The following EDIL3 variants were observed in gnomAD, a reference collection of about 807,000 sequenced individuals.
EDIL3 encodes EGF like and discoidin domains 3.
Under a neutral mutation model 67.4 loss-of-function variants are expected in EDIL3, and 37 were observed. That is an observed-to-expected ratio of 0.55 (90% CI 0.42 to 0.72). The LOEUF (loss-of-function observed/expected upper bound fraction) is 0.72. Among genes scored for constraint, EDIL3 ranks in the 30% least tolerant of loss-of-function variants. The probability of loss-of-function intolerance (pLI) is 0.00; values close to 1 mark genes in which losing one functional copy is unlikely to be tolerated. For synonymous variants in EDIL3, 195 were observed against 196.3 expected, an observed-to-expected ratio of 0.99 and a Z score of 0.05; for missense variants, 527 against 586.3, an observed-to-expected ratio of 0.90 and a Z score of 1.04.
chr5:84,002,908 C>T (rs1745355929), intron 9 of EDIL3, among the ~76,000 whole-genome samples: 1 of 152,148 alleles, frequency 6.6e-6, no homozygotes, highest in Non-Finnish European at 1.5e-5. Flanking sequence ...CTTCTCTAGG[C>T]AGGGCCCCTG....
At chr5:84,270,273 T>C (rs932730321) in intron 1 of EDIL3, among the ~76,000 whole-genome samples, 1 of 151,980 alleles carries the variant, frequency 6.6e-6, no homozygotes, top group Non-Finnish European at 1.5e-5. Flanking sequence ...TAAACAAAGG[T>C]TAGTGAGTAT....
At chr5:84,148,399 T>C (rs565804956) in intron 4 of EDIL3, among the ~76,000 whole-genome samples, 1 of 152,290 alleles carries the variant, frequency 6.6e-6, no homozygotes, top group South Asian at 2.1e-4. Context: ...GTGGAAACTT[T>C]AATACACTGA....
intron 9 of EDIL3, among the ~76,000 whole-genome samples, chr5:84,059,910 G>A (rs1283224979): frequency 1.3e-5 from 2 of 152,136 alleles, no homozygotes; most frequent in Non-Finnish European, 2.9e-5. Context: ...ATGATTCTAC[G>A]TGAACAGTTT....
intron 4 of EDIL3, among the ~76,000 whole-genome samples, chr5:84,155,784 A>C (rs548730549): frequency 7.2e-5 from 11 of 152,226 alleles, no homozygotes; most frequent in Admixed American, 7.2e-4. Flanking sequence ...ATCCTAATTA[A>C]GATGTTTAAA....
Position 84,210,421 on chromosome 5 carries a change from T to C in EDIL3, c.226+19434A>G, listed in dbSNP as rs902561620. On this transcript the variant is annotated intron_variant, in intron 3 of 10. Transcript: ENST00000296591. Reference sequence around the variant, plus strand: ...TAAATAAATAAATCTAGAATTAAAGTTGGACAAACTGTATAACATCAAGTA... The same window carrying C: ...TAAATAAATAAATCTAGAATTAAAGCTGGACAAACTGTATAACATCAAGTA... Among the ~76,000 whole-genome samples the C allele has an allele frequency of 4.6e-5, 7 of 152,200 alleles. No homozygotes were observed. The East Asian group carries it at 1.4e-3, about 29-fold the overall frequency.
At chr5:84,277,259 C>T (rs1459493849) in intron 1 of EDIL3, among the ~76,000 whole-genome samples, 1 of 151,924 alleles carries the variant, frequency 6.6e-6, no homozygotes. Context: ...TAACAGAGAC[C>T]CCAGAAACTT....
At chr5:84,162,019 G>C (rs950554300) in intron 4 of EDIL3, among the ~76,000 whole-genome samples, 1 of 152,078 alleles carries the variant, frequency 6.6e-6, no homozygotes, top group African/African-American at 2.4e-5. Flanking sequence ...CCTGATCACT[G>C]TCTTTCCCAA....
At chr5:84,041,701 T>G (rs1201363336) in intron 9 of EDIL3, among the ~76,000 whole-genome samples, 1 of 61,850 alleles carries the variant, frequency 1.6e-5, no homozygotes, top group Non-Finnish European at 3.0e-5. Context: ...TCTCTACCTA[T>G]ATATATATAT....
chr5:84,056,198 A>G (rs1746443113), intron 9 of EDIL3, among the ~76,000 whole-genome samples: 1 of 152,136 alleles, frequency 6.6e-6, no homozygotes, highest in African/African-American at 2.4e-5. Context: ...TGGAAACATC[A>G]TTCTCAGCAA....
chr5:84,101,156 A>T (rs1038216364), intron 6 of EDIL3, among the ~76,000 whole-genome samples: 1 of 152,116 alleles, frequency 6.6e-6, no homozygotes, highest in Non-Finnish European at 1.5e-5. Flanking sequence ...CCTGTGTTGC[A>T]ATAAACATAC....
At chr5:84,267,903 G>A (rs924495462) in intron 1 of EDIL3, among the ~76,000 whole-genome samples, 7 of 152,156 alleles carry the variant, frequency 4.6e-5, no homozygotes, top group African/African-American at 7.2e-5. Flanking sequence ...TTGGGAGGCC[G>A]AAGCAGGCAG....
At chr5:84,106,890 G>A in intron 5 of EDIL3, 60 bp from the exon 6 acceptor site, 1 of 1,480,060 alleles carries the variant, frequency 6.8e-7, no homozygotes, top group Non-Finnish European at 9.0e-7. Flanking sequence ...TACAACATGT[G>A]TCTGTTCGAT....
chr5:84,117,867 T>C (rs886901296), intron 5 of EDIL3, among the ~76,000 whole-genome samples: 28 of 152,118 alleles, frequency 1.8e-4, no homozygotes, highest in African/African-American at 6.5e-4. Flanking sequence ...AAACATAAAA[T>C]GATGCATATT....
intron 9 of EDIL3, among the ~76,000 whole-genome samples, chr5:84,008,002 C>T (rs66692521): frequency 0.35 from 53,722 of 151,900 alleles, 9,894 homozygotes; most frequent in African/African-American, 0.45. Flanking sequence ...TGGAGGACAT[C>T]ACGTCAAATG....
At chr5:84,104,522 G>GC (rs1330210069) in intron 6 of EDIL3, among the ~76,000 whole-genome samples, 1 of 151,770 alleles carries the variant, frequency 6.6e-6, no homozygotes, top group African/African-American at 2.4e-5. Context: ...ATAATTTTTA[G>GC]TTTTTCACCC....
chr5:84,051,726 G>C (rs935661063), intron 9 of EDIL3, among the ~76,000 whole-genome samples: 3 of 152,162 alleles, frequency 2.0e-5, no homozygotes, highest in Admixed American at 6.5e-5. Flanking sequence ...AAGATCAAAT[G>C]AATGAAATGA....
intron 3 of EDIL3, among the ~76,000 whole-genome samples, chr5:84,215,067 T>C (rs566462865): frequency 2.0e-5 from 3 of 152,296 alleles, no homozygotes; most frequent in African/African-American, 7.2e-5. Flanking sequence ...GCATAAAATC[T>C]GTATGGCTTA....
chr5:84,257,562 A>G (rs1218094700), intron 1 of EDIL3, among the ~76,000 whole-genome samples: 1 of 152,180 alleles, frequency 6.6e-6, no homozygotes, highest in East Asian at 1.9e-4. Flanking sequence ...GGGGTTGAGG[A>G]AGAGCAAAAA....
intron 9 of EDIL3, among the ~76,000 whole-genome samples, chr5:84,001,342 G>C (rs1745327621): frequency 6.6e-6 from 1 of 152,100 alleles, no homozygotes; most frequent in Non-Finnish European, 1.5e-5. Context: ...CTGGGTGGCT[G>C]TGAGCCACCG....
Sources: gnomAD v4.1 joint callset for allele counts (sites outside exome capture counted in the v4.1 genomes callset) on GRCh38, gnomAD v4.1.1 for gene constraint, MANE v1.5 for transcripts, NCBI Gene and HGNC (gene_info 2026-07-23, HGNC 2026-07-21) for gene names.